The following PCDHGA12 variants were observed in gnomAD, a reference collection of about 807,000 sequenced individuals.
The protein encoded by PCDHGA12 is protocadherin gamma subfamily A, 12, also known as protocadherin gamma-A12.
PCDHGA12 carries 43 observed loss-of-function variants against 61.1 expected under a neutral mutation model. That is an observed-to-expected ratio of 0.70 (90% confidence interval 0.55 to 0.91). The LOEUF (loss-of-function observed/expected upper bound fraction) is 0.91. Ranked by LOEUF, PCDHGA12 falls within the 40% of genes least tolerant of loss-of-function variation. PCDHGA12 has a pLI of 0.00. For missense variants in PCDHGA12, 1,236 were observed against 1,227.7 expected, an observed-to-expected ratio of 1.01 and a Z score of -0.10; for synonymous variants, 520 against 542.9, an observed-to-expected ratio of 0.96 and a Z score of 0.59.
rs1311776295 is a variant in PCDHGA12, at chr5:141,487,582, C to G, written c.2425-7225C>G. 1.2e-6 allele frequency: 2 copies of G among 1,614,088 alleles called. No homozygotes were observed. The highest frequency in any genetic ancestry group is 2.7e-5 in the African/African-American group (2 of 74,934). ...TGGCAGGGGAGCCTGTTCGCCCAAG[C>G]TGCCCACCCTCTGATCTTCTCTATG... is the stretch of plus-strand genomic sequence containing the variant. On this transcript the variant is annotated intron_variant, in intron 1 of 3. Transcript: ENST00000252085. The surrounding 1 kb of genome is among the most constrained non-coding windows in gnomAD (Gnocchi z 5.0).
At chr5:141,459,694 T>A (rs767389870) in intron 1 of PCDHGA12, among the ~76,000 whole-genome samples, 1 of 152,252 alleles carries the variant, frequency 6.6e-6, no homozygotes, top group Non-Finnish European at 1.5e-5. Context: ...AGCGTTCCGC[T>A]TGCTACATTT....
In PCDHGA12 at chr5:141,432,571, G is replaced by C; in HGVS notation, c.1812G>C (p.Leu604=). Residue 604 remains leucine (L), a synonymous_variant, in exon 1 of 4, where the codon CTG becomes CTC. Transcript: ENST00000252085. The surrounding 1 kb of genome is among the most constrained non-coding windows in gnomAD (Gnocchi z 6.0). ...GAGACTCCGGCCAGAACGCCTGGCT[G>C]TCCTACCGTCTGCTCAAGGCCAGCG... ...VDRDSGQNAW[L]SYRLLKASEP... is the part of the protein sequence containing the mutation. The C allele has an allele frequency of 6.2e-7, 1 of 1,613,954 alleles. No individual in the cohort carries two copies. The highest frequency in any genetic ancestry group is 8.5e-7 in the Non-Finnish European group (1 of 1,179,992).
intron 1 of PCDHGA12, chr5:141,440,160 G>A (rs568136682): frequency 6.6e-6 from 1 of 152,324 alleles, no homozygotes; most frequent in East Asian, 1.9e-4. Flanking sequence ...ATTATAGCTT[G>A]GGCCATAACG....
chr5:141,482,472 CTG>C (rs2099561247), intron 1 of PCDHGA12, among the ~76,000 whole-genome samples: 2 of 136,856 alleles, frequency 1.5e-5, no homozygotes, highest in Non-Finnish European at 3.0e-5. Context: ...GTGCCAGACA[CTG>C]TAAACAATTA....
rs1196083589 is a variant in PCDHGA12, at chr5:141,486,525, A to G, written c.2425-8282A>G. On this transcript the variant is annotated intron_variant, in intron 1 of 3. Coordinates refer to ENST00000252085, the MANE Select transcript of PCDHGA12 (RefSeq NM_003735.3). This position sits in a 1 kb window ranked among gnomAD's most constrained non-coding sequence, Gnocchi z 5.0. ...CTCAATATTTCAGATGTGAATGATA[A>G]TCCACCCTCTTTCTTTCAGAGGTCA... 1 of 1,614,158 alleles carries G rather than the reference A, an allele frequency of 6.2e-7. No individual in the cohort carries two copies. Among genetic ancestry groups the G allele is most frequent in the African/African-American group, 1.3e-5 (1 of 75,054 alleles).
rs762408704 is a variant in PCDHGA12 at position 141,486,335 on chromosome 5, C to G, written c.2425-8472C>G. 6.2e-7 allele frequency: 1 copy of G among 1,613,936 alleles called. No individual in the cohort carries two copies. The highest frequency in any genetic ancestry group is 8.5e-7 in the Non-Finnish European group (1 of 1,180,002). ...AGGGTCAAACGGAGATGTGAGCCTC[C>G]GCATTCCTGACCACTTGCCATTTGC... On this transcript the variant is annotated intron_variant, in intron 1 of 3. Transcript: ENST00000252085. This position sits in a 1 kb window ranked among gnomAD's most constrained non-coding sequence, Gnocchi z 5.0.
At chr5:141,474,361 T>C (rs2099347915) in intron 1 of PCDHGA12, among the ~76,000 whole-genome samples, 2 of 152,210 alleles carry the variant, frequency 1.3e-5, no homozygotes, top group South Asian at 2.1e-4. Context: ...CATGTCTCAG[T>C]AGGTCTAGAG....
chr5:141,473,312 A>G (rs1432409474), intron 1 of PCDHGA12, among the ~76,000 whole-genome samples: 1 of 152,228 alleles, frequency 6.6e-6, no homozygotes, highest in Non-Finnish European at 1.5e-5. Context: ...TGCTATATTA[A>G]TAAGCATTAA....
chr5:141,437,741 CTTT>C (rs35124340), intron 1 of PCDHGA12, among the ~76,000 whole-genome samples: 1 of 141,708 alleles, frequency 7.1e-6, no homozygotes. Context: ...TTGAGTTCAC[CTTT>C]TTTTTTTTTT....
chr5:141,431,049 T>C lies in PCDHGA12; in HGVS notation c.290T>C (p.Met97Thr), dbSNP rs1226000576. The change falls in exon 1 of 4, where the codon ATG (methionine) becomes ACG (threonine). Residue 97 changes from methionine (M) to threonine (T), a missense_variant. By Grantham distance (81) the Met-to-Thr change is moderately conservative. Coordinates refer to ENST00000252085, the MANE Select transcript of PCDHGA12 (RefSeq NM_003735.3). The surrounding 1 kb of genome is among the most constrained non-coding windows in gnomAD (Gnocchi z 4.8). Reference sequence around the variant, plus strand: ...AGGATAGACCGGGAGGAGCTCTGTATGGGGGCCATCAAGTGTCAATTAAAT... The same window carrying C: ...AGGATAGACCGGGAGGAGCTCTGTACGGGGGCCATCAAGTGTCAATTAAAT... Reference protein sequence around the residue: ...AGRIDREELCMGAIKCQLNLD... With the variant: ...AGRIDREELCTGAIKCQLNLD... The C allele has an allele frequency of 6.2e-7, 1 of 1,614,162 alleles. No homozygotes were observed. Among genetic ancestry groups the C allele is most frequent in the Non-Finnish European group, 8.5e-7 (1 of 1,180,014 alleles).
chr5:141,478,849 C>A, intron 1 of PCDHGA12: 1 of 1,375,282 alleles, frequency 7.3e-7, no homozygotes, highest in Non-Finnish European at 9.6e-7. Flanking sequence ...TAAGCTAAAA[C>A]ACAAGATCTC....
At chr5:141,503,554 G>A (rs1395044357) in intron 2 of PCDHGA12, among the ~76,000 whole-genome samples, 11 of 149,146 alleles carry the variant, frequency 7.4e-5, no homozygotes, top group East Asian at 3.9e-4. Flanking sequence ...AGCCGAGATC[G>A]CGCCACTGTA....
chr5:141,490,232 A>G lies in PCDHGA12; in HGVS notation c.2425-4575A>G. 6.2e-7 allele frequency: 1 copy of G among 1,614,216 alleles called. No homozygotes were observed. Among genetic ancestry groups the G allele is most frequent in the Non-Finnish European group, 8.5e-7 (1 of 1,180,032 alleles). ...CGTGACCAGGGACAGCCTGCCATGG[A>G]GGGCCACTGTGTGATTCAAGTGGAT... On this transcript the variant is annotated intron_variant, in intron 1 of 3. Transcript: ENST00000252085. This position sits in a 1 kb window ranked among gnomAD's most constrained non-coding sequence, Gnocchi z 5.4.
intron 2 of PCDHGA12, among the ~76,000 whole-genome samples, chr5:141,497,540 C>CTT (rs754207034): frequency 2.8e-4 from 38 of 134,912 alleles, no homozygotes; most frequent in African/African-American, 8.9e-4. Context: ...TGCAACAAAC[C>CTT]TTTTTTTTTT....
Position 141,486,558 on chromosome 5 carries a change from T to C in PCDHGA12, c.2425-8249T>C, listed in dbSNP as rs544575797. 1 of 1,614,034 alleles carries C rather than the reference T, an allele frequency of 6.2e-7. No homozygotes were observed. Among genetic ancestry groups the C allele is most frequent in the Non-Finnish European group, 8.5e-7 (1 of 1,180,012 alleles). ...TCTTTCTTTCAGAGGTCACATGAGG[T>C]GTTTGTTCCTGAGAACAATCGCCCA... On this transcript the variant is annotated intron_variant, in intron 1 of 3. Coordinates refer to ENST00000252085, the MANE Select transcript of PCDHGA12 (RefSeq NM_003735.3). This position sits in a 1 kb window ranked among gnomAD's most constrained non-coding sequence, Gnocchi z 5.0.
chr5:141,491,616 C>T lies in PCDHGA12; in HGVS notation c.2425-3191C>T. 1 of 1,613,944 alleles carries T rather than the reference C, an allele frequency of 6.2e-7. No homozygotes were observed. Among genetic ancestry groups the T allele is most frequent in the South Asian group, 1.1e-5 (1 of 91,082 alleles). On this transcript the variant is annotated intron_variant, in intron 1 of 3. Coordinates refer to ENST00000252085, the MANE Select transcript of PCDHGA12 (RefSeq NM_003735.3). The surrounding 1 kb of genome is among the most constrained non-coding windows in gnomAD (Gnocchi z 6.9). ...GCAGTGACTTCACTTTTCTAAGACC[C>T]CTCAGCGTTCAGCAGCCCACAGCTC...
Position 141,486,650 on chromosome 5 carries a change from T to C in PCDHGA12, c.2425-8157T>C, listed in dbSNP as rs1321605826. On this transcript the variant is annotated intron_variant, in intron 1 of 3. Coordinates refer to ENST00000252085, the MANE Select transcript of PCDHGA12 (RefSeq NM_003735.3). The surrounding 1 kb of genome is among the most constrained non-coding windows in gnomAD (Gnocchi z 5.0). ...TGGCTTGAATGCGCTTATCTCCTAC[T>C]CACTCCTGGAGCCCAGGAATCGAGA... is the stretch of plus-strand genomic sequence containing the variant. The C allele has an allele frequency of 6.2e-7, 1 of 1,613,834 alleles. No individual in the cohort carries two copies. Among genetic ancestry groups the C allele is most frequent in the African/African-American group, 1.3e-5 (1 of 74,938 alleles).
chr5:141,478,179 A>C, intron 1 of PCDHGA12: 1 of 1,613,996 alleles, frequency 6.2e-7, no homozygotes, highest in Non-Finnish European at 8.5e-7. Context: ...GAGCAGAAAA[A>C]AAATCTCACC....
chr5:141,484,922 GC>G (rs869160673), intron 1 of PCDHGA12: 1 of 481,378 alleles, frequency 2.1e-6, no homozygotes, highest in South Asian at 2.8e-5. Context: ...TAACCCTGCT[GC>G]TGTTGGGACG....
Sources: allele counts gnomAD v4.1 joint callset (sites outside exome capture counted in the v4.1 genomes callset), GRCh38; gene constraint gnomAD v4.1.1; non-coding constraint Gnocchi (gnomAD v3.1); transcripts MANE v1.5; gene names NCBI Gene and HGNC (gene_info 2026-07-23, HGNC 2026-07-21).